Variants in ARIH1 observed in about 807,000 individuals in gnomAD.
The protein encoded by ARIH1 is ariadne RBR E3 ubiquitin protein ligase 1.
ARIH1 carries 8 observed loss-of-function variants against 85.0 expected under a neutral mutation model. The observed-to-expected ratio is 0.09, with a 90% CI of 0.06 to 0.17. The LOEUF (loss-of-function observed/expected upper bound fraction) is 0.17, where lower values mean the gene tolerates loss of function less well. Ranked by LOEUF, ARIH1 falls within the 10% of genes least tolerant of loss-of-function variation. ARIH1 has a pLI of 1.00. For synonymous variants in ARIH1, 238 were observed against 253.6 expected (o/e 0.94, Z 0.59); for missense variants, 311 against 718.1 (o/e 0.43, Z 6.48).
rs199624291 is a variant in ARIH1, at chr15:72,474,951, C to T, written c.312C>T (p.Leu104=). The T allele has an allele frequency of 1.5e-4, 232 of 1,555,950 alleles. No homozygotes were observed. In the East Asian group the frequency reaches 5.4e-3, roughly 36 times the overall value. Residue 104 remains leucine (L), a synonymous_variant, in exon 1 of 14, where the codon CTC becomes CTT. Coordinates refer to ENST00000379887, the MANE Select transcript of ARIH1 (RefSeq NM_005744.5). ...AGGAGGATTACCGCTACGAGGTGCT[C>T]ACGGCCGAGCAGATTCTACAACACA... ...EQEEDYRYEV[L]TAEQILQHMV...
intron 6 of ARIH1, among the ~76,000 whole-genome samples, chr15:72,561,798 C>T (rs1434309176): frequency 6.6e-6 from 1 of 152,024 alleles, no homozygotes; most frequent in Non-Finnish European, 1.5e-5. Context: ...CATGGCGAAA[C>T]CCTGTCTCTT....
intron 1 of ARIH1, among the ~76,000 whole-genome samples, chr15:72,480,596 C>T (rs2063812577): frequency 6.7e-6 from 1 of 149,738 alleles, no homozygotes; most frequent in Non-Finnish European, 1.5e-5. Flanking sequence ...TGGAGTTTCT[C>T]TCTTGTTGCC....
intron 11 of ARIH1, among the ~76,000 whole-genome samples, chr15:72,577,174 G>A (rs1360951533): frequency 6.6e-6 from 1 of 151,160 alleles, no homozygotes; most frequent in Non-Finnish European, 1.5e-5. Flanking sequence ...TAGTAGAGAC[G>A]GGATTTCATC....
At chr15:72,477,169 A>G (rs181940946) in intron 1 of ARIH1, among the ~76,000 whole-genome samples, 1 of 152,178 alleles carries the variant, frequency 6.6e-6, no homozygotes, top group Non-Finnish European at 1.5e-5. Flanking sequence ...GGCAAAAAAA[A>G]CCTGGTGAGA....
chr15:72,474,342 A>G lies in ARIH1; in HGVS notation c.-298A>G, dbSNP rs187106179. The G allele has an allele frequency of 1.4e-3, 546 of 381,652 alleles. 3 individuals carry two copies. The highest frequency in any genetic ancestry group is 0.011 in the African/African-American group (509 of 45,600). The allele number at this position is 381,652 out of a possible 1,614,324, so 23.6% of individuals were successfully genotyped here. On this transcript the variant is annotated 5_prime_UTR_variant, in exon 1 of 14. Transcript: ENST00000379887. Reference sequence around the variant, plus strand: ...CCTTTGTTGGCTCAGTAGCGATAGCAGCGGCCGTGGAGGTGGCGTTGGGGA... The same window carrying G: ...CCTTTGTTGGCTCAGTAGCGATAGCGGCGGCCGTGGAGGTGGCGTTGGGGA...
Position 72,523,330 on chromosome 15 carries a change from CCA to C in ARIH1, c.443+5197_443+5198del, listed in dbSNP as rs142166875. Among the ~76,000 whole-genome samples, 1,045 of 152,234 alleles carry C rather than the reference CCA, an allele frequency of 6.9e-3. 8 individuals carry two copies. Among genetic ancestry groups the C allele is most frequent in the African/African-American group, 0.024 (993 of 41,538 alleles). The stretch of plus-strand genomic sequence containing the variant: ...CGTGCTAAAGAAATCAGCTATCAAA[CCA>C]TGAAAAACCGTGGAGGGACTTTAAA... On this transcript the variant is annotated intron_variant, in intron 2 of 13. Coordinates refer to ENST00000379887, the MANE Select transcript of ARIH1 (RefSeq NM_005744.5).
At chr15:72,536,118 T>G (rs535428126) in intron 2 of ARIH1, among the ~76,000 whole-genome samples, 4 of 152,308 alleles carry the variant, frequency 2.6e-5, no homozygotes, top group African/African-American at 9.6e-5. Context: ...CACATGTGTT[T>G]GTAGTGTGGC....
At chr15:72,484,675 A>G (rs2063830153) in intron 1 of ARIH1, among the ~76,000 whole-genome samples, 2 of 150,946 alleles carry the variant, frequency 1.3e-5, no homozygotes, top group Admixed American at 1.3e-4. Context: ...GTGTATACAT[A>G]TATATACGTA....
At chr15:72,561,690 G>A in intron 6 of ARIH1, 141 bp downstream of exon 6, 1 of 585,348 alleles carries the variant, frequency 1.7e-6, no homozygotes, top group Non-Finnish European at 2.8e-6. Context: ...ATTCTCAAAA[G>A]AGTATGACAG....
At chr15:72,574,145 G>A (rs142952822) in intron 11 of ARIH1, among the ~76,000 whole-genome samples, 4 of 152,226 alleles carry the variant, frequency 2.6e-5, no homozygotes, top group South Asian at 2.1e-4. Context: ...TTTGGATGCC[G>A]GTAGAATCCC....
chr15:72,509,667 C>T (rs997028622), intron 1 of ARIH1, among the ~76,000 whole-genome samples: 6 of 152,172 alleles, frequency 3.9e-5, no homozygotes, highest in Non-Finnish European at 7.4e-5. Context: ...TAGGTCACTA[C>T]AGCCTTGTGC....
At position 72,474,517 on chromosome 15, in the gene ARIH1, C is replaced by G. The variant is rs1274232500; in HGVS notation, c.-123C>G. On this transcript the variant is annotated 5_prime_UTR_variant, in exon 1 of 14. Coordinates refer to ENST00000379887, the MANE Select transcript of ARIH1 (RefSeq NM_005744.5). ...CCGCTCCTGGGGAGGAGCCGCGGCTCGCGGGGCCGGAGCCAGGCCTGCGTC... is the reference window on the plus strand; with the variant it reads ...CCGCTCCTGGGGAGGAGCCGCGGCTGGCGGGGCCGGAGCCAGGCCTGCGTC... The G allele has an allele frequency of 2.4e-6, 3 of 1,270,460 alleles. No homozygotes were observed. Among genetic ancestry groups the G allele is most frequent in the African/African-American group, 1.6e-5 (1 of 63,256 alleles). 78.7% of individuals were successfully genotyped at this position (1,270,460 alleles called of 1,614,324 possible).
chr15:72,510,891 T>C (rs2063948079), intron 1 of ARIH1, among the ~76,000 whole-genome samples: 1 of 152,090 alleles, frequency 6.6e-6, no homozygotes, highest in Non-Finnish European at 1.5e-5. Context: ...TTGCCAGTAC[T>C]GTAACTTCAT....
At chr15:72,523,201 A>G (rs373613047) in intron 2 of ARIH1, among the ~76,000 whole-genome samples, 5 of 152,356 alleles carry the variant, frequency 3.3e-5, no homozygotes, top group African/African-American at 1.2e-4. Flanking sequence ...GGATGTTCAT[A>G]GCAGCTTTAT....
At chr15:72,556,755 T>G (rs562022924) in intron 5 of ARIH1, among the ~76,000 whole-genome samples, 49 of 152,330 alleles carry the variant, frequency 3.2e-4, no homozygotes, top group South Asian at 6.2e-4. Flanking sequence ...TAAATAGTCT[T>G]TTATTCTCAT....
chr15:72,504,032 A>T (rs1408342581), intron 1 of ARIH1, among the ~76,000 whole-genome samples: 1 of 152,134 alleles, frequency 6.6e-6, no homozygotes, highest in East Asian at 1.9e-4. Flanking sequence ...AGTGAGGGCA[A>T]AGGGCCAGTG....
At chr15:72,496,887 C>T (rs2063882268) in intron 1 of ARIH1, 2 of 982,684 alleles carry the variant, frequency 2.0e-6, no homozygotes, top group Non-Finnish European at 1.2e-6. Flanking sequence ...AAAGACAAGT[C>T]ATTAAAAGAC....
At chr15:72,578,886 G>T (rs1223156469) in intron 11 of ARIH1, among the ~76,000 whole-genome samples, 1 of 150,414 alleles carries the variant, frequency 6.6e-6, no homozygotes, top group Non-Finnish European at 1.5e-5. Flanking sequence ...GTGCAACTCG[G>T]CAATTCTCCT....
chr15:72,485,134 A>G (rs113753165), intron 1 of ARIH1, among the ~76,000 whole-genome samples: 1 of 152,098 alleles, frequency 6.6e-6, no homozygotes, highest in Non-Finnish European at 1.5e-5. Context: ...GGCGTGACTG[A>G]AGTTGTATAG....
Sources: allele counts gnomAD v4.1 joint callset (sites outside exome capture counted in the v4.1 genomes callset), GRCh38; gene constraint gnomAD v4.1.1; transcripts MANE v1.5; gene names NCBI Gene and HGNC (gene_info 2026-07-23, HGNC 2026-07-21).